PCDHA8: variants seen among roughly 807,000 people sequenced by gnomAD.
The protein encoded by PCDHA8 is protocadherin alpha-8.
A neutral mutation model predicts 61.8 loss-of-function variants in PCDHA8; 53 were observed. The observed-to-expected ratio is 0.86, with a 90% CI of 0.69 to 1.08. The LOEUF (loss-of-function observed/expected upper bound fraction) is 1.08. Ranked by LOEUF, PCDHA8 falls within the 50% of genes least tolerant of loss-of-function variation. The pLI, the probability that PCDHA8 is intolerant of heterozygous loss-of-function variation, is 0.00. For missense variants in PCDHA8, 1,293 were observed against 1,245.0 expected, an observed-to-expected ratio of 1.04 and a Z score of -0.58; for synonymous variants, 618 against 556.6, an observed-to-expected ratio of 1.11 and a Z score of -1.55.
chr5:140,858,033 C>T (rs1249815194), intron 1 of PCDHA8: 2 of 1,597,066 alleles, frequency 1.3e-6, no homozygotes, highest in Non-Finnish European at 1.7e-6. Context: ...ACGGCCACGG[C>T]CACTGTGCTT....
chr5:140,843,152 CT>C lies in PCDHA8; in HGVS notation c.1832del (p.Leu611ArgfsTer41), dbSNP rs2150353947. ...SGYNAWLSYE[L>X]QPAASSPRIP... ...CTACAACGCGTGGCTTTCGTATGAG[CT>C]GCAGCCAGCTGCAAGCAGCCCTCGC... On this transcript the variant is annotated frameshift_variant, in exon 1 of 4. Coordinates refer to ENST00000531613, the MANE Select transcript of PCDHA8 (RefSeq NM_018911.3). LOFTEE classifies it high-confidence loss of function. 10 of 1,596,024 alleles carry C rather than the reference CT, an allele frequency of 6.3e-6. No individual in the cohort carries two copies. Among genetic ancestry groups the C allele is most frequent in the Non-Finnish European group, 6.9e-6 (8 of 1,165,624 alleles).
chr5:140,928,860 G>T, intron 1 of PCDHA8: 8 of 1,614,154 alleles, frequency 5.0e-6, no homozygotes, highest in Non-Finnish European at 6.8e-6. Flanking sequence ...GTGTGCTGTT[G>T]AGCAACTCTG....
chr5:140,995,800 A>G (rs180764210), intron 3 of PCDHA8, among the ~76,000 whole-genome samples: 3 of 152,282 alleles, frequency 2.0e-5, no homozygotes, highest in Non-Finnish European at 2.9e-5. Context: ...GTCTCATGTT[A>G]GTTTCTGAAG....
intron 1 of PCDHA8, among the ~76,000 whole-genome samples, chr5:140,889,433 G>A (rs994872798): frequency 8.6e-5 from 13 of 151,828 alleles, no homozygotes; most frequent in Non-Finnish European, 1.9e-4. Context: ...TATTTTTTCA[G>A]GTATTTTCCT....
intron 1 of PCDHA8, chr5:140,848,627 C>A (rs2150415435): frequency 6.3e-7 from 1 of 1,593,432 alleles, no homozygotes; most frequent in Non-Finnish European, 8.6e-7. Context: ...ACGGCACCTT[C>A]GTGGGCCGCA....
In PCDHA8 at chr5:140,848,080, C is replaced by T. The variant is rs114595741; in HGVS notation, c.2394+4365C>T. 638 of 165,510 alleles carry T rather than the reference C, an allele frequency of 3.9e-3. 35 individuals carry two copies. Among genetic ancestry groups the T allele is most frequent in the African/African-American group, 0.014 (569 of 41,328 alleles). 10.3% of individuals were successfully genotyped at this position (165,510 alleles called of 1,614,324 possible). A position where few individuals can be genotyped will look rare whatever the true frequency, so the allele number is the denominator to read the frequency against. ...ACTTCATTTCTGTCGTTATTTAAAA[C>T]TTAAGTGGAGAGTTTTCTCAGGGAT... On this transcript the variant is annotated intron_variant, in intron 1 of 3. Transcript: ENST00000531613.
chr5:140,867,059 TTATA>T (rs782538902), intron 1 of PCDHA8: 1 of 152,152 alleles, frequency 6.6e-6, no homozygotes, highest in Non-Finnish European at 1.5e-5. Flanking sequence ...CAGTACTACT[TTATA>T]TATTCACAAA....
chr5:140,933,586 T>A (rs1474110331), intron 1 of PCDHA8, among the ~76,000 whole-genome samples: 1 of 152,108 alleles, frequency 6.6e-6, no homozygotes, highest in Non-Finnish European at 1.5e-5. Flanking sequence ...AGTGGGTTTT[T>A]AGGTTGATTT....
intron 3 of PCDHA8, among the ~76,000 whole-genome samples, chr5:141,006,559 T>C (rs2098278096): frequency 6.6e-6 from 1 of 152,134 alleles, no homozygotes; most frequent in East Asian, 1.9e-4. Flanking sequence ...TAAAGATGAC[T>C]CTGGCTACTG....
At chr5:140,890,276 TC>T (rs1173106367) in intron 1 of PCDHA8, among the ~76,000 whole-genome samples, 2 of 152,136 alleles carry the variant, frequency 1.3e-5, no homozygotes, top group Non-Finnish European at 2.9e-5. Context: ...CAAGAACCAC[TC>T]AGTTGAGTCA....
At chr5:140,972,660 A>ATTTTTT (rs11350929) in intron 1 of PCDHA8, among the ~76,000 whole-genome samples, 2 of 117,268 alleles carry the variant, frequency 1.7e-5, no homozygotes, top group African/African-American at 3.3e-5. Context: ...AAGAAACCAA[A>ATTTTTT]TTTTTTTTTT....
In PCDHA8 at chr5:140,852,553, G is replaced by A. The variant is rs1414701990; in HGVS notation, c.2394+8838G>A. On this transcript the variant is annotated intron_variant, in intron 1 of 3. Coordinates refer to ENST00000531613, the MANE Select transcript of PCDHA8 (RefSeq NM_018911.3). ...GGCCTCCCAAAGTGCTGGGATTAAA[G>A]CTGTGAGCCACTGTGCCAAGGCTTT... is the stretch of plus-strand genomic sequence containing the variant. 2.0e-5 allele frequency: 13 copies of A among 647,952 alleles called. 1 individual carries two copies. The highest frequency in any genetic ancestry group is 2.2e-5 in the Non-Finnish European group (11 of 508,652). The allele number at this position is 647,952 out of a possible 1,614,324, so 40.1% of individuals were successfully genotyped here.
Position 141,010,878 on chromosome 5 carries a change from A to C in PCDHA8, c.*941A>C, listed in dbSNP as rs2098418656. 1.3e-5 allele frequency: 2 copies of C among 153,770 alleles called. No homozygotes were observed. Among genetic ancestry groups the C allele is most frequent in the South Asian group, 4.1e-4 (2 of 4,830 alleles). The allele number at this position is 153,770 out of a possible 1,614,324, so 9.5% of individuals were successfully genotyped here. ...GAAAGTCTATAGCTATAAATCTTTA[A>C]AGAGAAATATGAATACAATTCCCCT... On this transcript the variant is annotated 3_prime_UTR_variant, in exon 4 of 4. Transcript: ENST00000531613.
At chr5:141,005,909 T>C (rs1368661717) in intron 3 of PCDHA8, among the ~76,000 whole-genome samples, 1 of 151,946 alleles carries the variant, frequency 6.6e-6, no homozygotes, top group African/African-American at 2.4e-5. Context: ...ATTGCACCAC[T>C]GCACTTCAGC....
chr5:140,849,959 C>G lies in PCDHA8; in HGVS notation c.2394+6244C>G, dbSNP rs2150460444. On this transcript the variant is annotated intron_variant, in intron 1 of 3. Transcript: ENST00000531613. ...GGGACGCTGACGCGCAGGAGAACGC[C>G]CTGGTGTCCTACTCGCTGGTGGAGC... 52 of 1,597,872 alleles carry G rather than the reference C, an allele frequency of 3.3e-5. 2 individuals are homozygous for G. Among genetic ancestry groups the G allele is most frequent in the African/African-American group, 2.7e-4 (20 of 74,536 alleles).
chr5:140,925,395 G>A (rs1451043717), intron 1 of PCDHA8, among the ~76,000 whole-genome samples: 1 of 151,998 alleles, frequency 6.6e-6, no homozygotes, highest in African/African-American at 2.4e-5. Context: ...CTTTTGGCTC[G>A]CCTCCTTCTT....
At chr5:140,907,430 T>G (rs1554192988) in intron 1 of PCDHA8, among the ~76,000 whole-genome samples, 1 of 152,244 alleles carries the variant, frequency 6.6e-6, no homozygotes, top group Non-Finnish European at 1.5e-5. Context: ...TAAGGCATTC[T>G]GTGAGTCCAC....
intron 3 of PCDHA8, among the ~76,000 whole-genome samples, chr5:140,994,850 CAT>C (rs10584145): frequency 0.01 from 1,553 of 152,082 alleles, 27 homozygotes; most frequent in African/African-American, 0.036. Flanking sequence ...AAGATGAGTG[CAT>C]TTGATGGATG....
intron 1 of PCDHA8, among the ~76,000 whole-genome samples, chr5:140,925,671 A>AATAATAATAATG (rs1445697337): frequency 4.7e-4 from 69 of 148,180 alleles, no homozygotes; most frequent in African/African-American, 1.7e-3. Flanking sequence ...TAATAATAAT[A>AATAATAATAATG]ATAATAAAGC....
Sources: allele counts gnomAD v4.1 joint callset (sites outside exome capture counted in the v4.1 genomes callset), GRCh38; gene constraint gnomAD v4.1.1; transcripts MANE v1.5; gene names NCBI Gene and HGNC (gene_info 2026-07-23, HGNC 2026-07-21).